The following DENND5A variants were observed in gnomAD, a reference collection of about 807,000 sequenced individuals.
The protein encoded by DENND5A is DENN domain containing 5A.
In DENND5A, 64 loss-of-function variants were observed where a neutral mutation model predicts 140.3. The ratio of observed to expected loss-of-function variants is 0.46; its 90% CI spans 0.37 to 0.56. DENND5A has a LOEUF of 0.56. Ranked by LOEUF, DENND5A falls within the 20% of genes least tolerant of loss-of-function variation. The probability of loss-of-function intolerance (pLI) is 0.00; values close to 1 mark genes in which losing one functional copy is unlikely to be tolerated. For missense variants in DENND5A, 1,292 were observed against 1,593.8 expected, an observed-to-expected ratio of 0.81 and a Z score of 3.22; for synonymous variants, 605 against 607.7, an observed-to-expected ratio of 1.00 and a Z score of 0.07.
rs769539442 is a variant in DENND5A at position 9,145,750 on chromosome 11, G to A, written c.2923C>T (p.Pro975Ser). 3.7e-6 allele frequency: 6 copies of A among 1,614,002 alleles called. No homozygotes were observed. Among genetic ancestry groups the A allele is most frequent in the African/African-American group, 1.3e-5 (1 of 74,904 alleles). ...AATTCTCCTGATATACAGATCCATGGGTTGGCAGTGAACATGGAGCCCCCC... is the reference window on the plus strand; with the variant it reads ...AATTCTCCTGATATACAGATCCATGAGTTGGCAGTGAACATGGAGCCCCCC... ...KLGGSMFTAN[P>S]WICISGELGE... Residue 975 changes from proline (P) to serine (S), a missense_variant, in exon 17 of 23, where the codon CCA (proline) becomes TCA (serine). Coordinates refer to ENST00000328194, the MANE Select transcript of DENND5A (RefSeq NM_015213.4).
intron 1 of DENND5A, among the ~76,000 whole-genome samples, chr11:9,231,583 C>T (rs776780048): frequency 7.9e-5 from 12 of 151,880 alleles, no homozygotes; most frequent in South Asian, 2.1e-4. Context: ...GGAGTGGTGG[C>T]GCATGCCTGT....
At chr11:9,193,715 A>T in intron 4 of DENND5A, 34 bp from the exon 5 acceptor site, 1 of 1,557,576 alleles carries the variant, frequency 6.4e-7, no homozygotes. Flanking sequence ...GCACACACAC[A>T]AATCAGTCAA....
chr11:9,158,829 A>G (rs1003805554), intron 12 of DENND5A, among the ~76,000 whole-genome samples: 2 of 152,198 alleles, frequency 1.3e-5, no homozygotes, highest in African/African-American at 4.8e-5. Flanking sequence ...TTTTTAAAAA[A>G]CCACTTCATT....
At chr11:9,163,686 C>CCCAG (rs1046665012) in intron 11 of DENND5A, among the ~76,000 whole-genome samples, 3 of 151,936 alleles carry the variant, frequency 2.0e-5, no homozygotes, top group Non-Finnish European at 4.4e-5. Context: ...CTCCTGTAAT[C>CCCAG]CCAGCCACTC....
chr11:9,141,858 C>T (rs1847252583), intron 22 of DENND5A, 82 bp downstream of exon 22: 1 of 1,338,526 alleles, frequency 7.5e-7, no homozygotes. Flanking sequence ...ATGAGCCATT[C>T]CTCACCCCTG....
At chr11:9,220,377 G>A (rs563020499) in intron 1 of DENND5A, among the ~76,000 whole-genome samples, 4 of 152,050 alleles carry the variant, frequency 2.6e-5, no homozygotes, top group African/African-American at 9.6e-5. Flanking sequence ...GAGAAACCCT[G>A]TCTCTACTAA....
chr11:9,258,535 T>C (rs1007991375), intron 1 of DENND5A, among the ~76,000 whole-genome samples: 4 of 152,106 alleles, frequency 2.6e-5, no homozygotes, highest in South Asian at 2.1e-4. Context: ...TGATGGACAT[T>C]TGAGTTGGTT....
intron 1 of DENND5A, among the ~76,000 whole-genome samples, chr11:9,257,113 G>A (rs1370008111): frequency 1.3e-5 from 2 of 151,512 alleles, no homozygotes; most frequent in South Asian, 2.1e-4. Flanking sequence ...CATTTCAAGC[G>A]ATTCTCCTGT....
At chr11:9,227,431 C>T (rs191739917) in intron 1 of DENND5A, among the ~76,000 whole-genome samples, 4 of 152,196 alleles carry the variant, frequency 2.6e-5, no homozygotes, top group Admixed American at 2.0e-4. Flanking sequence ...ACTCCTGGAA[C>T]GCATGAGCAC....
At chr11:9,158,086 A>G (rs983179752) in intron 12 of DENND5A, among the ~76,000 whole-genome samples, 1 of 152,258 alleles carries the variant, frequency 6.6e-6, no homozygotes, top group African/African-American at 2.4e-5. Context: ...ACTAATAATA[A>G]GAGATTGATT....
chr11:9,167,548 C>T (rs183862166), intron 10 of DENND5A, among the ~76,000 whole-genome samples: 63 of 150,786 alleles, frequency 4.2e-4, no homozygotes, highest in African/African-American at 1.3e-3. Flanking sequence ...AGCACTGAGG[C>T]GAGTGGATCA....
intron 10 of DENND5A, among the ~76,000 whole-genome samples, 190 bp downstream of exon 10, chr11:9,169,666 C>T (rs1368139142): frequency 6.6e-6 from 1 of 151,978 alleles, no homozygotes; most frequent in East Asian, 1.9e-4. Context: ...TGCAAAACAT[C>T]CCACATTCTG....
At chr11:9,254,064 G>A (rs1851841990) in intron 1 of DENND5A, among the ~76,000 whole-genome samples, 1 of 151,504 alleles carries the variant, frequency 6.6e-6, no homozygotes, top group Non-Finnish European at 1.5e-5. Flanking sequence ...GCCGAGGCAG[G>A]AGAATCGCTT....
chr11:9,209,570 C>G (rs1849804870), intron 1 of DENND5A, among the ~76,000 whole-genome samples: 3 of 152,000 alleles, frequency 2.0e-5, no homozygotes, highest in Admixed American at 2.0e-4. Context: ...ATACGGGGTG[C>G]CAAAGTTAGA....
chr11:9,209,259 G>A (rs535612317), intron 1 of DENND5A, among the ~76,000 whole-genome samples: 5 of 152,232 alleles, frequency 3.3e-5, no homozygotes, highest in African/African-American at 9.6e-5. Flanking sequence ...CCCTAAATGC[G>A]CCTGATCTCA....
intron 1 of DENND5A, among the ~76,000 whole-genome samples, chr11:9,241,890 TG>T (rs1851248865): frequency 6.6e-6 from 1 of 151,986 alleles, no homozygotes; most frequent in African/African-American, 2.4e-5. Flanking sequence ...GGCGCATGCC[TG>T]TAATCCTAGC....
intron 1 of DENND5A, among the ~76,000 whole-genome samples, chr11:9,234,873 G>C (rs1850936051): frequency 6.6e-6 from 1 of 152,032 alleles, no homozygotes; most frequent in South Asian, 2.1e-4. Flanking sequence ...TAAAGGCGCG[G>C]GTAAATCTCT....
rs757963332 is a variant in DENND5A at position 9,178,942 on chromosome 11, T to C, written c.1587A>G (p.Ala529=). The change falls in exon 7 of 23, where the codon GCA becomes GCG. Residue 529 remains alanine (A), a synonymous_variant. Transcript: ENST00000328194. ...VFANRFTQMF[A]DYEVFVIQPS... is the part of the protein sequence containing the mutation. ...GTTGGATGACAAACACCTCATAATC[T>C]GCAAACATCTGAGTGAAACGATTTG... is the stretch of plus-strand genomic sequence containing the variant. 11 of 1,614,060 alleles carry C rather than the reference T, an allele frequency of 6.8e-6. No homozygotes were observed. The highest frequency in any genetic ancestry group is 9.3e-6 in the Non-Finnish European group (11 of 1,180,036).
chr11:9,257,801 T>C (rs1278252195), intron 1 of DENND5A, among the ~76,000 whole-genome samples: 2 of 148,026 alleles, frequency 1.4e-5, no homozygotes, highest in Non-Finnish European at 3.0e-5. Flanking sequence ...AGTATTCTTT[T>C]TTTTTTTTTG....
Sources: gnomAD v4.1 joint callset for allele counts (sites outside exome capture counted in the v4.1 genomes callset) on GRCh38, gnomAD v4.1.1 for gene constraint, MANE v1.5 for transcripts, NCBI Gene and HGNC (gene_info 2026-07-23, HGNC 2026-07-21) for gene names.